The following TGFBR1 variants were observed in gnomAD, a reference collection of about 807,000 sequenced individuals.
TGFBR1 encodes transforming growth factor beta receptor 1, also known as TGF-beta receptor type-1.
Under a neutral mutation model 55.1 loss-of-function variants are expected in TGFBR1, and 20 were observed. The ratio of observed to expected loss-of-function variants is 0.36; its 90% CI spans 0.26 to 0.53. The LOEUF is 0.53. Among genes scored for constraint, TGFBR1 ranks in the 20% least tolerant of loss-of-function variants. TGFBR1 has a pLI of 0.91. For synonymous variants in TGFBR1, 220 were observed against 214.8 expected, an observed-to-expected ratio of 1.02 and a Z score of -0.21; for missense variants, 385 against 617.6, an observed-to-expected ratio of 0.62 and a Z score of 3.99.
At chr9:99,137,355 G>A (rs1287380630) in intron 3 of TGFBR1, among the ~76,000 whole-genome samples, 4 of 152,200 alleles carry the variant, frequency 2.6e-5, no homozygotes, top group Non-Finnish European at 4.4e-5. Flanking sequence ...CTTGCTTCCA[G>A]CCATGGCCCT....
rs1474999988 is a variant in TGFBR1 at position 99,149,435 on chromosome 9, A to G, written c.*130A>G. 2 of 1,372,098 alleles carry G rather than the reference A, an allele frequency of 1.5e-6. No individual in the cohort carries two copies. Among genetic ancestry groups the G allele is most frequent in the Non-Finnish European group, 1.0e-6 (1 of 977,770 alleles). 85.0% of individuals were successfully genotyped at this position (1,372,098 alleles called of 1,614,324 possible). On this transcript the variant is annotated 3_prime_UTR_variant, in exon 9 of 9. Transcript: ENST00000374994. ...TGCTTCCTTTTGCAGCAGTGTAATA[A>G]AGTCAATTAAAAACTTCCCAGGATT... is the stretch of plus-strand genomic sequence containing the variant.
intron 4 of TGFBR1, among the ~76,000 whole-genome samples, chr9:99,140,597 G>A (rs1564165570): frequency 1.3e-5 from 2 of 152,008 alleles, no homozygotes. Flanking sequence ...TTTATTTACT[G>A]TGTTTGATGA....
chr9:99,138,150 A>G, intron 4 of TGFBR1, 61 bp downstream of exon 4: 1 of 1,429,254 alleles, frequency 7.0e-7, no homozygotes, highest in Non-Finnish European at 9.8e-7. Flanking sequence ...GTCTTTACAG[A>G]TATGGTGACT....
intron 1 of TGFBR1, among the ~76,000 whole-genome samples, chr9:99,121,681 A>G (rs1458711714): frequency 1.3e-5 from 2 of 152,096 alleles, no homozygotes; most frequent in East Asian, 3.8e-4. Context: ...CATAAAGGAC[A>G]TTGTGCATGT....
In TGFBR1 at chr9:99,151,395, TTG is replaced by T; in HGVS notation, c.*2092_*2093del. 9 of 214,550 alleles carry T rather than the reference TTG, an allele frequency of 4.2e-5. No homozygotes were observed. The highest frequency in any genetic ancestry group is 2.2e-4 in the African/African-American group (9 of 40,508). The allele number at this position is 214,550 out of a possible 1,614,324, so 13.3% of individuals were successfully genotyped here. On this transcript the variant is annotated 3_prime_UTR_variant, in exon 9 of 9. Coordinates refer to ENST00000374994, the MANE Select transcript of TGFBR1 (RefSeq NM_004612.4). ...TACTTTTTTTGTGGGGGTTTTTTTT[TTG>T]TTTTTTTTTTTTTGTTGTTGTTTTT...
chr9:99,138,129 G>C (rs371679175), intron 4 of TGFBR1, 40 bp downstream of exon 4: 4 of 1,549,324 alleles, frequency 2.6e-6, no homozygotes, highest in Non-Finnish European at 3.6e-6. Flanking sequence ...TATATAACAA[G>C]ATCTCTTTAA....
chr9:99,121,838 A>G (rs1431230480), intron 1 of TGFBR1, among the ~76,000 whole-genome samples: 6 of 152,122 alleles, frequency 3.9e-5, no homozygotes, highest in Admixed American at 3.9e-4. Flanking sequence ...AAACTGGATT[A>G]CAACACTCTG....
intron 3 of TGFBR1, among the ~76,000 whole-genome samples, chr9:99,136,542 G>A (rs553663106): frequency 2.0e-5 from 3 of 152,256 alleles, no homozygotes; most frequent in South Asian, 2.1e-4. Flanking sequence ...TACATAGTGC[G>A]AAAGAGCTCT....
chr9:99,120,941 G>A (rs1347215870), intron 1 of TGFBR1, among the ~76,000 whole-genome samples: 1 of 152,182 alleles, frequency 6.6e-6, no homozygotes, highest in African/African-American at 2.4e-5. Context: ...CCTATTCTTA[G>A]TGTGTTTTCT....
intron 1 of TGFBR1, among the ~76,000 whole-genome samples, chr9:99,125,350 C>T (rs1001261623): frequency 6.6e-6 from 1 of 152,204 alleles, no homozygotes; most frequent in Non-Finnish European, 1.5e-5. Context: ...AATATCTTGA[C>T]ATTATTGAAA....
chr9:99,130,899 A>T (rs1293975344), intron 2 of TGFBR1, among the ~76,000 whole-genome samples: 1 of 152,202 alleles, frequency 6.6e-6, no homozygotes, highest in African/African-American at 2.4e-5. Flanking sequence ...TGCACTATTG[A>T]GAGCGAACAA....
chr9:99,141,557 A>G (rs569387905), intron 4 of TGFBR1, among the ~76,000 whole-genome samples: 9 of 152,298 alleles, frequency 5.9e-5, no homozygotes, highest in African/African-American at 1.7e-4. Flanking sequence ...GTAAGACTTT[A>G]TTCTTGTATA....
rs201863088 is a variant in TGFBR1, at chr9:99,150,681, C to G, written c.*1376C>G. ...TTCCTTATGTGTGCGTACATTGCAACTGCTTACATGTAATTTATGTAATGC... is the reference window on the plus strand; with the variant it reads ...TTCCTTATGTGTGCGTACATTGCAAGTGCTTACATGTAATTTATGTAATGC... On this transcript the variant is annotated 3_prime_UTR_variant, in exon 9 of 9. Coordinates refer to ENST00000374994, the MANE Select transcript of TGFBR1 (RefSeq NM_004612.4). 9.5e-6 allele frequency: 2 copies of G among 211,138 alleles called. No individual in the cohort carries two copies. Among genetic ancestry groups the G allele is most frequent in the Non-Finnish European group, 1.9e-5 (2 of 103,716 alleles). 13.1% of individuals were successfully genotyped at this position (211,138 alleles called of 1,614,324 possible).
At position 99,149,790 on chromosome 9, in the gene TGFBR1, C is replaced by G. The variant is rs531460959; in HGVS notation, c.*485C>G. On this transcript the variant is annotated 3_prime_UTR_variant, in exon 9 of 9. Coordinates refer to ENST00000374994, the MANE Select transcript of TGFBR1 (RefSeq NM_004612.4). The stretch of plus-strand genomic sequence containing the variant: ...GTACTGTTCTATAGTTTTTCAGGAT[C>G]TTAAAACTAACACTTATAAAACTCT... The G allele has an allele frequency of 4.4e-6, 1 of 229,868 alleles. No homozygotes were observed. The highest frequency in any genetic ancestry group is 1.5e-4 in the South Asian group (1 of 6,482). The allele number at this position is 229,868 out of a possible 1,614,324, so 14.2% of individuals were successfully genotyped here.
rs1259348559 is a variant in TGFBR1 at position 99,105,200 on chromosome 9, G to A, written c.-6G>A. ...GGGCCGGGCCACAGGCGGTGGCGGC[G>A]GGACCATGGAGGCGGCGGTCGCTGC... On this transcript the variant is annotated 5_prime_UTR_variant, in exon 1 of 9. Transcript: ENST00000374994. 27 of 1,084,928 alleles carry A rather than the reference G, an allele frequency of 2.5e-5. No homozygotes were observed. Among genetic ancestry groups the A allele is most frequent in the Non-Finnish European group, 3.0e-5 (27 of 895,976 alleles). 67.2% of individuals were successfully genotyped at this position (1,084,928 alleles called of 1,614,324 possible).
Position 99,144,751 on chromosome 9 carries a change from T to C in TGFBR1, c.993T>C (p.His331=), listed in dbSNP as rs199770942. Residue 331 remains histidine, a synonymous_variant, in exon 6 of 9, where the codon CAT becomes CAC. Coordinates refer to ENST00000374994, the MANE Select transcript of TGFBR1 (RefSeq NM_004612.4). Reference sequence around the variant, plus strand: ...CTTTAGGAAAGCCAGCCATTGCTCATAGAGATTTGAAATCAAAGAATATCT... The same window carrying C: ...CTTTAGGAAAGCCAGCCATTGCTCACAGAGATTTGAAATCAAAGAATATCT... The part of the protein sequence containing the change: ...VGTQGKPAIA[H]RDLKSKNILV... 3.1e-6 allele frequency: 5 copies of C among 1,613,790 alleles called. No homozygotes were observed. The highest frequency in any genetic ancestry group is 2.7e-5 in the African/African-American group (2 of 74,918).
chr9:99,120,927 G>A (rs1826879716), intron 1 of TGFBR1, among the ~76,000 whole-genome samples: 1 of 152,256 alleles, frequency 6.6e-6, no homozygotes, highest in South Asian at 2.1e-4. Context: ...TGCCATTTGG[G>A]CAGCCTATTC....
At position 99,152,622 on chromosome 9, in the gene TGFBR1, C is replaced by T. The variant is rs201113438; in HGVS notation, c.*3317C>T. The T allele has an allele frequency of 7.0e-5, 16 of 228,362 alleles. No individual in the cohort carries two copies. The East Asian group carries it at 9.4e-4, about 13-fold the overall frequency. 14.1% of individuals were successfully genotyped at this position (228,362 alleles called of 1,614,324 possible). ...TAGAGTGCACAACAAAATCACTATC[C>T]CATTAGACACATCATCAAAAGCTTA... On this transcript the variant is annotated 3_prime_UTR_variant, in exon 9 of 9. Coordinates refer to ENST00000374994, the MANE Select transcript of TGFBR1 (RefSeq NM_004612.4).
chr9:99,114,935 T>C (rs1392462779), intron 1 of TGFBR1, among the ~76,000 whole-genome samples: 1 of 152,150 alleles, frequency 6.6e-6, no homozygotes. Flanking sequence ...ATGATTACTT[T>C]AGGAGAGACC....
Sources: allele counts gnomAD v4.1 joint callset (sites outside exome capture counted in the v4.1 genomes callset), GRCh38; gene constraint gnomAD v4.1.1; transcripts MANE v1.5; gene names NCBI Gene and HGNC (gene_info 2026-07-23, HGNC 2026-07-21).